The following SLC1A4 variants were observed in gnomAD, a reference collection of about 807,000 sequenced individuals.
The protein encoded by SLC1A4 is solute carrier family 1 member 4, also known as neutral amino acid transporter A.
Under a neutral mutation model 37.7 loss-of-function variants are expected in SLC1A4, and 19 were observed. The ratio of observed to expected loss-of-function variants is 0.50; its 90% confidence interval spans 0.35 to 0.74. The LOEUF (loss-of-function observed/expected upper bound fraction) is 0.74. Ranked by LOEUF, SLC1A4 falls within the 30% of genes least tolerant of loss-of-function variation. The pLI is 0.01. For synonymous variants in SLC1A4, 299 were observed against 309.8 expected (o/e 0.97, Z 0.37); for missense variants, 570 against 712.9 (o/e 0.80, Z 2.28).
chr2:64,989,755 T>C lies in SLC1A4; in HGVS notation c.112T>C (p.Phe38Leu). ...GGGACGCGCACGGCGTTGCGCGGGC[T>C]TCCTGCGGCGCCAAGCGCTGGTGCT... Reference protein sequence around the residue: ...AAGRARRCAGFLRRQALVLLT... With the variant: ...AAGRARRCAGLLRRQALVLLT... Residue 38 changes from phenylalanine (F) to leucine (L), a missense_variant, in exon 1 of 8, where the codon TTC (phenylalanine) becomes CTC (leucine). Physicochemically the swap from Phe to Leu is conservative, Grantham distance 22 (BLOSUM62 0). Coordinates refer to ENST00000234256, the MANE Select transcript of SLC1A4 (RefSeq NM_003038.5). The C allele has an allele frequency of 6.9e-7, 1 of 1,445,694 alleles. No individual in the cohort carries two copies. The highest frequency in any genetic ancestry group is 9.0e-7 in the Non-Finnish European group (1 of 1,106,846). 89.6% of individuals were successfully genotyped at this position (1,445,694 alleles called of 1,614,324 possible). A position where few individuals can be genotyped will look rare whatever the true frequency, so the allele number is the denominator to read the frequency against.
At chr2:65,006,515 A>G (rs930987198) in intron 3 of SLC1A4, among the ~76,000 whole-genome samples, 1 of 152,104 alleles carries the variant, frequency 6.6e-6, no homozygotes, top group Admixed American at 6.5e-5. Flanking sequence ...AAAGAAAAAA[A>G]GAAAGAAAGA....
At chr2:65,009,545 T>C (rs969352857) in intron 3 of SLC1A4, among the ~76,000 whole-genome samples, 1 of 152,218 alleles carries the variant, frequency 6.6e-6, no homozygotes, top group Non-Finnish European at 1.5e-5. Context: ...ATTTGGAAAT[T>C]AGAAAAGTAT....
At chr2:65,016,980 T>A (rs1674168114) in intron 5 of SLC1A4, among the ~76,000 whole-genome samples, 4 of 152,160 alleles carry the variant, frequency 2.6e-5, no homozygotes, top group Admixed American at 2.6e-4. Flanking sequence ...GCCCCAAAGC[T>A]TTTCTGTATT....
At chr2:65,009,732 T>A (rs912513081) in intron 3 of SLC1A4, among the ~76,000 whole-genome samples, 1 of 152,218 alleles carries the variant, frequency 6.6e-6, no homozygotes, top group Non-Finnish European at 1.5e-5. Flanking sequence ...GATTCAGCAT[T>A]GCTGGAAAAA....
intron 1 of SLC1A4, among the ~76,000 whole-genome samples, chr2:64,991,421 CTT>C (rs3050297): frequency 0.27 from 31,425 of 117,626 alleles, 4,462 homozygotes; most frequent in East Asian, 0.59. Context: ...GGGATCACAG[CTT>C]TTTTTTTTTT....
rs1301726300 is a variant in SLC1A4 at position 65,010,657 on chromosome 2, G to A, written c.694G>A (p.Val232Met). Residue 232 changes from valine (V) to methionine (M), a missense_variant, in exon 4 of 8, where the codon GTG becomes ATG. Transcript: ENST00000234256. ...TTTAGGATTGGTCCTGTTTGCTCTGGTGTTAGGAGTGGCCTTAAAGAAACT... is the reference window on the plus strand; with the variant it reads ...TTTAGGATTGGTCCTGTTTGCTCTGATGTTAGGAGTGGCCTTAAAGAAACT... ...NILGLVLFAL[V>M]LGVALKKLGS... 1.2e-6 allele frequency: 2 copies of A among 1,614,124 alleles called. No individual in the cohort carries two copies. The highest frequency in any genetic ancestry group is 3.3e-5 in the Admixed American group (2 of 60,018).
chr2:65,014,139 A>G (rs1288319823), intron 4 of SLC1A4, among the ~76,000 whole-genome samples: 1 of 152,230 alleles, frequency 6.6e-6, no homozygotes, highest in African/African-American at 2.4e-5. Flanking sequence ...AAAAGCTGCT[A>G]AACTTAACCA....
upstream of SLC1A4, among the ~76,000 whole-genome samples, chr2:64,989,221 C>G (rs1672934157): frequency 6.6e-6 from 1 of 151,676 alleles, no homozygotes; most frequent in Admixed American, 6.6e-5. Flanking sequence ...CCTGCGGCAC[C>G]CGCGACACGG....
At position 64,990,006 on chromosome 2, in the gene SLC1A4, T is replaced by G. The variant is rs1330438422; in HGVS notation, c.363T>G (p.Phe121Leu). ...TGGGCGGCATCGCTGTCGCCTACTT[T>G]GGCCTCACCACACTGAGTGCCTCGG... Reference protein sequence around the residue: ...GRLGGIAVAYFGLTTLSASAL... With the variant: ...GRLGGIAVAYLGLTTLSASAL... Residue 121 changes from phenylalanine (F) to leucine (L), a missense_variant, in exon 1 of 8, where the codon TTT becomes TTG. Physicochemically the swap from Phe to Leu is conservative, Grantham distance 22 (BLOSUM62 0). Coordinates refer to ENST00000234256, the MANE Select transcript of SLC1A4 (RefSeq NM_003038.5). 1 of 1,598,882 alleles carries G rather than the reference T, an allele frequency of 6.3e-7. No individual in the cohort carries two copies. Among genetic ancestry groups the G allele is most frequent in the Non-Finnish European group, 8.5e-7 (1 of 1,172,880 alleles).
At chr2:65,013,977 C>G (rs1198930556) in intron 4 of SLC1A4, among the ~76,000 whole-genome samples, 1 of 152,064 alleles carries the variant, frequency 6.6e-6, no homozygotes, top group Non-Finnish European at 1.5e-5. Context: ...ACTTTATTTA[C>G]AAAAACTCAC....
chr2:65,011,357 T>G (rs1460285221), intron 4 of SLC1A4: 2 of 152,030 alleles, frequency 1.3e-5, no homozygotes, highest in East Asian at 3.9e-4. Flanking sequence ...ACCTCTACCT[T>G]CTGGGTTCAA....
At chr2:64,994,984 G>A (rs1353593222) in intron 1 of SLC1A4, 1 of 152,170 alleles carries the variant, frequency 6.6e-6, no homozygotes, top group Non-Finnish European at 1.5e-5. Context: ...TCTTCTATAG[G>A]CAAGATGAAG....
chr2:65,000,368 T>A (rs1003556310), intron 1 of SLC1A4: 1 of 152,210 alleles, frequency 6.6e-6, no homozygotes, highest in Non-Finnish European at 1.5e-5. Flanking sequence ...CCTGCCCACA[T>A]AATTTCAAAA....
At position 65,003,955 on chromosome 2, in the gene SLC1A4, T is replaced by C; in HGVS notation, c.573T>C (p.Tyr191=). The change falls in exon 3 of 8, where the codon TAT becomes TAC. Residue 191 remains tyrosine, a splice_region_variant and synonymous_variant. Transcript: ENST00000234256. ...SNLVVAAFRT[Y]ATDYKVVTQN... Reference sequence around the variant, plus strand: ...TTTTTTTTTCCTCTTGATCACAGTATGCAACCGATTATAAAGTCGTGACCC... The same window carrying C: ...TTTTTTTTTCCTCTTGATCACAGTACGCAACCGATTATAAAGTCGTGACCC... 1 of 1,613,852 alleles carries C rather than the reference T, an allele frequency of 6.2e-7. No homozygotes were observed. The highest frequency in any genetic ancestry group is 8.5e-7 in the Non-Finnish European group (1 of 1,179,756).
At chr2:64,990,475 TC>T (rs920258224) in intron 1 of SLC1A4, among the ~76,000 whole-genome samples, 1 of 152,162 alleles carries the variant, frequency 6.6e-6, no homozygotes, top group Non-Finnish European at 1.5e-5. Context: ...TGTTCTTTAC[TC>T]CTTATACTCT....
chr2:65,001,307 C>T, intron 1 of SLC1A4, 141 bp from the exon 2 acceptor site: 1 of 699,710 alleles, frequency 1.4e-6, no homozygotes, highest in Non-Finnish European at 2.5e-6. Context: ...GAGGCTGAGG[C>T]AGGAGGATCA....
In SLC1A4 at chr2:65,021,206, C is replaced by T; in HGVS notation, c.*60C>T. 7.1e-7 allele frequency: 1 copy of T among 1,399,128 alleles called. No homozygotes were observed. Among genetic ancestry groups the T allele is most frequent in the East Asian group, 2.3e-5 (1 of 43,530 alleles). 86.7% of individuals were successfully genotyped at this position (1,399,128 alleles called of 1,614,324 possible). A position where few individuals can be genotyped will look rare whatever the true frequency, so the allele number is the denominator to read the frequency against. On this transcript the variant is annotated 3_prime_UTR_variant, in exon 8 of 8. Transcript: ENST00000234256. The stretch of plus-strand genomic sequence containing the variant: ...ATGTCCCACCCTGTTCACCCAGCCG[C>T]CAGTCATGGACACAGGGCACTGCCC...
chr2:65,012,114 G>A (rs895105131), intron 4 of SLC1A4, among the ~76,000 whole-genome samples: 2 of 150,726 alleles, frequency 1.3e-5, no homozygotes, highest in African/African-American at 2.4e-5. Flanking sequence ...TCTTGAGACA[G>A]GGTCTTGCTC....
chr2:65,018,506 C>A lies in SLC1A4; in HGVS notation c.1230-39C>A. 6.2e-7 allele frequency: 1 copy of A among 1,610,414 alleles called. No individual in the cohort carries two copies. The highest frequency in any genetic ancestry group is 8.5e-7 in the Non-Finnish European group (1 of 1,178,196). Reference sequence around the variant, plus strand: ...TGCATTTCTCTGTGTCCACTCCACGCTCTATGTTAATGGCTGGCCCTGCTC... The same window carrying A: ...TGCATTTCTCTGTGTCCACTCCACGATCTATGTTAATGGCTGGCCCTGCTC... On this transcript the variant is annotated intron_variant, in intron 6 of 7. Transcript: ENST00000234256. The surrounding 1 kb of genome is among the most constrained non-coding windows in gnomAD (Gnocchi z 4.3).
Sources: gnomAD v4.1 joint callset for allele counts (sites outside exome capture counted in the v4.1 genomes callset) on GRCh38, gnomAD v4.1.1 for gene constraint, Gnocchi (gnomAD v3.1) non-coding constraint, MANE v1.5 for transcripts, NCBI Gene and HGNC (gene_info 2026-07-23, HGNC 2026-07-21) for gene names.